Variants in CREB5 observed in about 807,000 individuals in gnomAD.
CREB5 encodes cyclic AMP-responsive element-binding protein 5.
A neutral mutation model predicts 57.1 loss-of-function variants in CREB5; 19 were observed. That is an observed-to-expected ratio of 0.33 (90% CI 0.23 to 0.49). The LOEUF (loss-of-function observed/expected upper bound fraction) is 0.49. Among genes scored for constraint, CREB5 ranks in the 20% least tolerant of loss-of-function variants. The probability of loss-of-function intolerance (pLI) is 0.99; values close to 1 mark genes in which losing one functional copy is unlikely to be tolerated. For synonymous variants in CREB5, 238 were observed against 238.3 expected, an observed-to-expected ratio of 1.00 and a Z score of 0.01; for missense variants, 579 against 671.6, an observed-to-expected ratio of 0.86 and a Z score of 1.52.
intron 4 of CREB5, among the ~76,000 whole-genome samples, chr7:28,562,301 C>G (rs892358334): frequency 1.3e-5 from 2 of 152,168 alleles, no homozygotes; most frequent in African/African-American, 4.8e-5. Context: ...TTGAGAGACA[C>G]TTGGAAACTG....
At chr7:28,758,023 A>T (rs1469234577) in intron 7 of CREB5, among the ~76,000 whole-genome samples, 1 of 152,212 alleles carries the variant, frequency 6.6e-6, no homozygotes, top group Non-Finnish European at 1.5e-5. Flanking sequence ...GTCGTTTTGT[A>T]GCAGTAGTGT....
intron 1 of CREB5, among the ~76,000 whole-genome samples, chr7:28,444,005 A>G (rs1304435061): frequency 6.6e-6 from 1 of 152,212 alleles, no homozygotes; most frequent in East Asian, 1.9e-4. Context: ...TGAAAGTTAG[A>G]TTAAACATAA....
At chr7:28,448,149 C>T (rs1199704376) in intron 1 of CREB5, among the ~76,000 whole-genome samples, 1 of 152,202 alleles carries the variant, frequency 6.6e-6, no homozygotes, top group Non-Finnish European at 1.5e-5. Context: ...CTGGCCTAGC[C>T]TCCCAGCCTA....
At chr7:28,521,369 G>A (rs1049292915) in intron 4 of CREB5, among the ~76,000 whole-genome samples, 1 of 152,132 alleles carries the variant, frequency 6.6e-6, no homozygotes, top group African/African-American at 2.4e-5. Context: ...CTGACATTTT[G>A]GTTACCTCAC....
intron 5 of CREB5, among the ~76,000 whole-genome samples, chr7:28,576,895 G>A (rs2128653671): frequency 6.6e-6 from 1 of 152,292 alleles, no homozygotes; most frequent in East Asian, 1.9e-4. Context: ...GAAAAGATAG[G>A]CACAAATGAG....
intron 5 of CREB5, among the ~76,000 whole-genome samples, chr7:28,649,823 C>G (rs1226156159): frequency 6.6e-6 from 1 of 152,078 alleles, no homozygotes; most frequent in African/African-American, 2.4e-5. Flanking sequence ...AATGACTTAC[C>G]TTTTCATTAT....
intron 1 of CREB5, among the ~76,000 whole-genome samples, chr7:28,479,931 GT>G (rs1791251459): frequency 6.6e-6 from 1 of 152,044 alleles, no homozygotes; most frequent in Non-Finnish European, 1.5e-5. Flanking sequence ...ATTTTCAGAT[GT>G]TTTGAGTATG....
intron 1 of CREB5, among the ~76,000 whole-genome samples, chr7:28,314,766 A>G (rs773702553): frequency 1.3e-5 from 2 of 152,278 alleles, no homozygotes; most frequent in Middle Eastern, 6.8e-3. Flanking sequence ...CGCTTTACTG[A>G]GACAGTTCTT....
At chr7:28,550,222 C>A (rs1477357906) in intron 4 of CREB5, among the ~76,000 whole-genome samples, 1 of 152,022 alleles carries the variant, frequency 6.6e-6, no homozygotes, top group Non-Finnish European at 1.5e-5. Context: ...TCCTTCTCCT[C>A]CTTCTCTGTC....
At chr7:28,450,734 G>A (rs1271841122) in intron 1 of CREB5, among the ~76,000 whole-genome samples, 1 of 152,208 alleles carries the variant, frequency 6.6e-6, no homozygotes, top group Admixed American at 6.5e-5. Flanking sequence ...TTCCAGATTT[G>A]TCTTAAGTCT....
intron 1 of CREB5, among the ~76,000 whole-genome samples, chr7:28,335,280 T>C (rs1049980917): frequency 1.3e-5 from 2 of 152,172 alleles, no homozygotes; most frequent in Non-Finnish European, 2.9e-5. Flanking sequence ...TGTAAATTGA[T>C]TTTGTAATAC....
At chr7:28,467,012 G>T (rs75203510) in intron 1 of CREB5, among the ~76,000 whole-genome samples, 3 of 152,190 alleles carry the variant, frequency 2.0e-5, no homozygotes, top group Non-Finnish European at 2.9e-5. Context: ...AGCCTGGAGG[G>T]ACAGGGGGCC....
At chr7:28,724,383 G>A (rs1338562621) in intron 7 of CREB5, 51 bp downstream of exon 7, 2 of 1,496,532 alleles carry the variant, frequency 1.3e-6, no homozygotes, top group Non-Finnish European at 1.9e-6. Context: ...TTTTTCTTTT[G>A]AATTTTACTC....
chr7:28,340,584 C>T (rs2127988744), intron 1 of CREB5, among the ~76,000 whole-genome samples: 1 of 152,240 alleles, frequency 6.6e-6, no homozygotes, highest in East Asian at 1.9e-4. Context: ...CTGTGAGCTG[C>T]ACTGCCTGGG....
chr7:28,687,858 C>A (rs567647620), intron 5 of CREB5, among the ~76,000 whole-genome samples: 11 of 152,124 alleles, frequency 7.2e-5, no homozygotes, highest in African/African-American at 2.6e-4. Context: ...GATTCTGATG[C>A]TTGACCTTGA....
At chr7:28,520,117 G>C (rs1036748672) in intron 4 of CREB5, among the ~76,000 whole-genome samples, 29 of 152,180 alleles carry the variant, frequency 1.9e-4, no homozygotes, top group Non-Finnish European at 1.0e-4. Context: ...TCGTGGTATG[G>C]GTTCAGCTCA....
intron 1 of CREB5, among the ~76,000 whole-genome samples, chr7:28,344,631 T>C (rs73084496): frequency 0.11 from 16,527 of 152,066 alleles, 1,030 homozygotes; most frequent in Middle Eastern, 0.15. Flanking sequence ...AGAAAACAAG[T>C]AACAAAATGG....
chr7:28,535,180 G>A lies in CREB5; in HGVS notation c.291+27443G>A, dbSNP rs190027921. Among the ~76,000 whole-genome samples the A allele has an allele frequency of 2.0e-4, 29 of 141,700 alleles. 5 individuals are homozygous for A. Among genetic ancestry groups the A allele is most frequent in the East Asian group, 7.9e-4 (4 of 5,076 alleles). The allele number at this position is 141,700 out of a possible 152,430, so 93.0% of individuals were successfully genotyped here. A position where few individuals can be genotyped will look rare whatever the true frequency, so the allele number is the denominator to read the frequency against. On this transcript the variant is annotated intron_variant, in intron 4 of 10. Coordinates refer to ENST00000357727, the MANE Select transcript of CREB5 (RefSeq NM_182898.4). The stretch of plus-strand genomic sequence containing the variant: ...GCAGCCTTACAAGGAAGGCTAGGTC[G>A]GGCCCAATTTGGTAACAGACTCAAG...
At chr7:28,707,243 CTG>C (rs1353121500) in intron 5 of CREB5, among the ~76,000 whole-genome samples, 1 of 152,134 alleles carries the variant, frequency 6.6e-6, no homozygotes, top group East Asian at 1.9e-4. Flanking sequence ...GTTGTATTAA[CTG>C]TATTTTCTAC....
Sources: gnomAD v4.1 joint callset for allele counts (sites outside exome capture counted in the v4.1 genomes callset) on GRCh38, gnomAD v4.1.1 for gene constraint, MANE v1.5 for transcripts, NCBI Gene and HGNC (gene_info 2026-07-23, HGNC 2026-07-21) for gene names.